Variants in MAK observed in about 807,000 individuals in gnomAD.
MAK encodes serine/threonine-protein kinase MAK.
MAK carries 65 observed loss-of-function variants against 82.6 expected under a neutral mutation model. The ratio of observed to expected loss-of-function variants is 0.79; its 90% confidence interval spans 0.64 to 0.97. MAK has a LOEUF of 0.97. MAK is among the 50% of genes least tolerant of loss of function. MAK has a pLI of 0.00. For missense variants in MAK, 703 were observed against 780.2 expected, an observed-to-expected ratio of 0.90 and a Z score of 1.18; for synonymous variants, 250 against 274.2, an observed-to-expected ratio of 0.91 and a Z score of 0.87.
chr6:10,806,170 ATCTTT>A (rs1433329421), intron 6 of MAK, among the ~76,000 whole-genome samples: 2 of 106,842 alleles, frequency 1.9e-5, no homozygotes, highest in African/African-American at 7.0e-5. Flanking sequence ...TCACCCCGCC[ATCTTT>A]TCTTTTTTTT....
intron 2 of MAK, among the ~76,000 whole-genome samples, chr6:10,825,228 A>G (rs1380544191): frequency 1.3e-5 from 2 of 152,260 alleles, no homozygotes; most frequent in African/African-American, 2.4e-5. Flanking sequence ...ACCGCTCAGC[A>G]TGAAAATCAT....
At position 10,790,267 on chromosome 6, in the gene MAK, G is replaced by T. The variant is rs531437349; in HGVS notation, c.1316+1408C>A. ...CATAAGAGTTATCCAAGCAAAAAAA[G>T]AATTATCCAAGCATATGTACTCCTT... is the stretch of plus-strand genomic sequence containing the variant. On this transcript the variant is annotated intron_variant, in intron 10 of 14. Coordinates refer to ENST00000354489, the MANE Select transcript of MAK (RefSeq NM_001242957.3). Among the ~76,000 whole-genome samples, 7 of 152,150 alleles carry T rather than the reference G, an allele frequency of 4.6e-5. No homozygotes were observed. In the East Asian group the frequency reaches 1.4e-3, roughly 29 times the overall value.
At chr6:10,837,761 C>A (rs1421369865) in intron 1 of MAK, among the ~76,000 whole-genome samples, 2 of 152,220 alleles carry the variant, frequency 1.3e-5, no homozygotes, top group Non-Finnish European at 2.9e-5. Context: ...GCACTCTCGA[C>A]CTGTCCCTAA....
At chr6:10,808,024 C>T (rs1263195655) in intron 6 of MAK, among the ~76,000 whole-genome samples, 2 of 151,920 alleles carry the variant, frequency 1.3e-5, no homozygotes, top group African/African-American at 2.4e-5. Flanking sequence ...GCCGAGATCA[C>T]GCCATTGCAC....
rs1238142788 is a variant in MAK, at chr6:10,776,930, C to G, written c.1466-1471G>C. Among the ~76,000 whole-genome samples the G allele has an allele frequency of 6.6e-6, 1 of 150,872 alleles. No individual in the cohort carries two copies. Among genetic ancestry groups the G allele is most frequent in the Non-Finnish European group, 1.5e-5 (1 of 67,896 alleles). ...TGAAACCCCATCTCTACTAAAAACA[C>G]AAAAATTAGCCAGGCATGAGACAGG... is the stretch of plus-strand genomic sequence containing the variant. On this transcript the variant is annotated intron_variant, in intron 11 of 14. Coordinates refer to ENST00000354489, the MANE Select transcript of MAK (RefSeq NM_001242957.3). This position sits in a 1 kb window ranked among gnomAD's most constrained non-coding sequence, Gnocchi z 4.3.
rs778235109 is a variant in MAK, at chr6:10,764,504, G to A, written c.1895C>T (p.Pro632Leu). The part of the protein sequence containing the change: ...LNIVNRAQPI[P>L]SVHGRTDWVA... Reference sequence around the variant, plus strand: ...CCAGTCTGTCCTCCCATGCACTGAGGGAATGGGCTGTGCACGGTTCACAAT... The same window carrying A: ...CCAGTCTGTCCTCCCATGCACTGAGAGAATGGGCTGTGCACGGTTCACAAT... Residue 632 changes from proline (P) to leucine (L), a missense_variant, in exon 15 of 15, where the codon CCC (proline) becomes CTC (leucine). Transcript: ENST00000354489. 1.7e-5 allele frequency: 28 copies of A among 1,613,644 alleles called. No individual in the cohort carries two copies. Among genetic ancestry groups the A allele is most frequent in the Non-Finnish European group, 2.3e-5 (27 of 1,179,768 alleles).
chr6:10,766,936 G>A (rs1305870745), intron 14 of MAK, among the ~76,000 whole-genome samples: 3 of 152,200 alleles, frequency 2.0e-5, no homozygotes, highest in Non-Finnish European at 4.4e-5. Flanking sequence ...TAAGAAGGGG[G>A]TAGTGTTGAG....
At chr6:10,798,114 CT>C (rs554907132) in intron 8 of MAK, 1,793 of 138,450 alleles carry the variant, frequency 0.013, 7 homozygotes, top group African/African-American at 0.022. Context: ...CAACTCTTCC[CT>C]TTTTTTTTTT....
At chr6:10,799,035 T>C (rs1775807541) in intron 8 of MAK, among the ~76,000 whole-genome samples, 1 of 152,138 alleles carries the variant, frequency 6.6e-6, no homozygotes, top group East Asian at 1.9e-4. Context: ...TCTGCCACGT[T>C]GGCCAGGCTG....
intron 5 of MAK, among the ~76,000 whole-genome samples, chr6:10,813,107 TATATATATATATATATATATATATATAAA>T (rs1263532738): frequency 0.15 from 361 of 2,330 alleles, 45 homozygotes; most frequent in African/African-American, 0.31. Flanking sequence ...TATATATATA[TATATATATATATATATATATATATATAAA>T]TTTTTTTTTT....
chr6:10,836,552 C>G (rs920813701), intron 1 of MAK, among the ~76,000 whole-genome samples: 3 of 152,174 alleles, frequency 2.0e-5, no homozygotes, highest in African/African-American at 7.2e-5. Context: ...GATTACTAAT[C>G]AAAAAGCAGT....
intron 14 of MAK, 96 bp from the exon 15 acceptor site, chr6:10,764,702 G>T: frequency 8.4e-7 from 1 of 1,195,324 alleles, no homozygotes; most frequent in Non-Finnish European, 1.2e-6. Context: ...GGGAAAATCT[G>T]AATTTATGTT....
chr6:10,803,434 A>G (rs995146467), intron 7 of MAK, among the ~76,000 whole-genome samples: 2 of 151,836 alleles, frequency 1.3e-5, no homozygotes, highest in Non-Finnish European at 2.9e-5. Flanking sequence ...AATCCCAGCT[A>G]CTTGGGAGGC....
chr6:10,775,496 C>T (rs1420195943), intron 11 of MAK, 37 bp from the exon 12 acceptor site: 4 of 1,604,690 alleles, frequency 2.5e-6, no homozygotes, highest in Non-Finnish European at 3.4e-6. Context: ...AAGGTTAGAG[C>T]AGATCATAAA....
intron 11 of MAK, among the ~76,000 whole-genome samples, chr6:10,777,672 A>G (rs775844597): frequency 1.3e-5 from 2 of 152,058 alleles, no homozygotes; most frequent in Non-Finnish European, 2.9e-5. Context: ...GACTTTTGCT[A>G]TTGTTGCCCA....
chr6:10,794,303 T>C (rs474519), intron 9 of MAK, among the ~76,000 whole-genome samples: 107,033 of 152,044 alleles, frequency 0.7, 38,401 homozygotes, highest in East Asian at 0.85. Context: ...TGAACAAATA[T>C]CTACTGAGAA....
At chr6:10,813,117 TATATATATATATATATAAA>T (rs1278813322) in intron 5 of MAK, among the ~76,000 whole-genome samples, 3,148 of 5,382 alleles carry the variant, frequency 0.58, 1,114 homozygotes, top group Non-Finnish European at 0.65. Context: ...TATATATATA[TATATATATATATATATAAA>T]TTTTTTTTTT....
intron 10 of MAK, among the ~76,000 whole-genome samples, chr6:10,787,287 A>C (rs966621969): frequency 2.2e-4 from 34 of 152,296 alleles, no homozygotes; most frequent in African/African-American, 6.0e-4. Context: ...CACAAATCCA[A>C]CAATTCACCA....
At chr6:10,818,052 A>T in intron 3 of MAK, 81 bp from the exon 4 acceptor site, 2 of 724,464 alleles carry the variant, frequency 2.8e-6, no homozygotes, top group Middle Eastern at 4.2e-4. Context: ...GCTAAGTGTA[A>T]TAATTACCTT....
Sources: allele counts gnomAD v4.1 joint callset (sites outside exome capture counted in the v4.1 genomes callset), GRCh38; gene constraint gnomAD v4.1.1; non-coding constraint Gnocchi (gnomAD v3.1); transcripts MANE v1.5; gene names NCBI Gene and HGNC (gene_info 2026-07-23, HGNC 2026-07-21).